TJP1: variants seen among roughly 807,000 people sequenced by gnomAD.
TJP1 encodes tight junction protein ZO-1.
A neutral mutation model predicts 194.2 loss-of-function variants in TJP1; 43 were observed. That is an observed-to-expected ratio of 0.22 (90% confidence interval 0.17 to 0.29). The LOEUF (loss-of-function observed/expected upper bound fraction) is 0.29, where lower values mean the gene tolerates loss of function less well. Among genes scored for constraint, TJP1 ranks in the 10% least tolerant of loss-of-function variants. The probability of loss-of-function intolerance (pLI) is 1.00; values close to 1 mark genes in which losing one functional copy is unlikely to be tolerated. For missense variants in TJP1, 1,971 were observed against 2,185.7 expected (o/e 0.90, Z 1.96); for synonymous variants, 801 against 779.0 (o/e 1.03, Z -0.47).
At chr15:29,884,431 A>AT (rs769320752) in intron 2 of TJP1, among the ~76,000 whole-genome samples, 33 of 152,088 alleles carry the variant, frequency 2.2e-4, no homozygotes, top group Non-Finnish European at 3.8e-4. Context: ...CCATACACTA[A>AT]ATTTTGAGAA....
chr15:29,871,089 G>A (rs1409657754), intron 2 of TJP1, among the ~76,000 whole-genome samples: 1 of 152,234 alleles, frequency 6.6e-6, no homozygotes, highest in South Asian at 2.1e-4. Flanking sequence ...GTTCTCACTG[G>A]ACAAAGGAAA....
intron 2 of TJP1, among the ~76,000 whole-genome samples, chr15:29,865,218 G>A (rs1246645613): frequency 1.3e-5 from 2 of 152,158 alleles, no homozygotes; most frequent in African/African-American, 4.8e-5. Flanking sequence ...GATAAGACGA[G>A]AATTACTCTT....
At chr15:29,949,868 T>TCCA (rs2055586402) in intron 2 of TJP1, among the ~76,000 whole-genome samples, 2 of 22,654 alleles carry the variant, frequency 8.8e-5, no homozygotes, top group Non-Finnish European at 7.1e-5. Flanking sequence ...AACCACCACC[T>TCCA]CCACCTCCAC....
At chr15:29,949,327 T>TACCTCCACCACCTCCACCACCACC (rs2055444387) in intron 2 of TJP1, among the ~76,000 whole-genome samples, 1 of 21,220 alleles carries the variant, frequency 4.7e-5, no homozygotes, top group Non-Finnish European at 1.0e-4. Context: ...TCACCACCAC[T>TACCTCCACCACCTCCACCACCACC]ACCTCCACCA....
intron 2 of TJP1, among the ~76,000 whole-genome samples, chr15:29,933,093 C>G (rs1374255102): frequency 6.6e-6 from 1 of 152,114 alleles, no homozygotes; most frequent in East Asian, 1.9e-4. Context: ...ATCACACACA[C>G]ACATTTTGTC....
At chr15:29,936,493 C>T (rs1390237095) in intron 2 of TJP1, among the ~76,000 whole-genome samples, 1 of 152,170 alleles carries the variant, frequency 6.6e-6, no homozygotes, top group Non-Finnish European at 1.5e-5. Context: ...CTTTGGGCTT[C>T]CTGTGTCTGC....
intron 2 of TJP1, among the ~76,000 whole-genome samples, chr15:29,844,536 T>C (rs1157911633): frequency 2.6e-5 from 4 of 151,968 alleles, no homozygotes; most frequent in African/African-American, 9.7e-5. Context: ...AGACACATGG[T>C]GAAGGCAGAG....
intron 15 of TJP1, among the ~76,000 whole-genome samples, chr15:29,731,380 C>T (rs2043648795): frequency 6.6e-6 from 1 of 152,198 alleles, no homozygotes; most frequent in African/African-American, 2.4e-5. Flanking sequence ...TAAGCCCAGA[C>T]ATCTGTTGAG....
intron 2 of TJP1, among the ~76,000 whole-genome samples, chr15:29,780,290 G>A (rs2047280838): frequency 6.6e-6 from 1 of 151,922 alleles, no homozygotes. Context: ...CAACTAGATG[G>A]TCCCATCTGG....
chr15:29,897,305 T>A (rs2152184976), intron 2 of TJP1, among the ~76,000 whole-genome samples: 1 of 152,312 alleles, frequency 6.6e-6, no homozygotes, highest in African/African-American at 2.4e-5. Flanking sequence ...AGCTTCGATG[T>A]GGTGTTGAGC....
At chr15:29,783,222 C>T (rs1030644857) in intron 2 of TJP1, among the ~76,000 whole-genome samples, 8 of 152,074 alleles carry the variant, frequency 5.3e-5, no homozygotes, top group Admixed American at 4.6e-4. Flanking sequence ...TGCAGTGAGC[C>T]AAGATTGTGC....
At chr15:29,922,617 G>A (rs989892686) in intron 2 of TJP1, among the ~76,000 whole-genome samples, 1 of 152,114 alleles carries the variant, frequency 6.6e-6, no homozygotes, top group Non-Finnish European at 1.5e-5. Context: ...ATTGAGGGTT[G>A]TAAGTTTCTT....
chr15:29,949,156 T>TTCACC (rs1567223787), intron 2 of TJP1, among the ~76,000 whole-genome samples: 1 of 51,156 alleles, frequency 2.0e-5, no homozygotes, highest in Non-Finnish European at 4.1e-5. Flanking sequence ...CCACCTCCAC[T>TTCACC]ACTACCTCCA....
At chr15:29,750,490 C>CTGA in intron 8 of TJP1, among the ~76,000 whole-genome samples, 1 of 152,126 alleles carries the variant, frequency 6.6e-6, no homozygotes, top group East Asian at 1.9e-4. Flanking sequence ...ACCAGTCAAT[C>CTGA]CCTCATTACT....
At chr15:29,804,635 CATCT>C (rs2049002623) in intron 1 of TJP1, among the ~76,000 whole-genome samples, 6 of 152,110 alleles carry the variant, frequency 3.9e-5, no homozygotes, top group Admixed American at 3.9e-4. Flanking sequence ...TAATTACATT[CATCT>C]ATTACTTATC....
At chr15:29,710,162 A>G (rs1566863793) in intron 24 of TJP1, among the ~76,000 whole-genome samples, 2 of 152,112 alleles carry the variant, frequency 1.3e-5, no homozygotes, top group Non-Finnish European at 1.5e-5. Flanking sequence ...GAAAAAAAAA[A>G]AGAGAAAAGG....
chr15:29,758,986 T>C (rs992596466), intron 8 of TJP1: 2 of 152,206 alleles, frequency 1.3e-5, no homozygotes, highest in Non-Finnish European at 2.9e-5. Context: ...ACCACATTCA[T>C]AGCTCTTACA....
chr15:29,968,447 G>A, intron 1 of TJP1: 1 of 975,816 alleles, frequency 1.0e-6, no homozygotes, highest in Non-Finnish European at 1.2e-6. Flanking sequence ...GGGTCTCGGC[G>A]AAACCAGTCA....
chr15:29,761,100 C>G, intron 8 of TJP1, 39 bp downstream of exon 8: 1 of 1,534,484 alleles, frequency 6.5e-7, no homozygotes, highest in Non-Finnish European at 8.7e-7. Flanking sequence ...ATCAAGCAAA[C>G]AAAACCCCTG....
Sources: gnomAD v4.1 joint callset for allele counts (sites outside exome capture counted in the v4.1 genomes callset) on GRCh38, gnomAD v4.1.1 for gene constraint, MANE v1.5 for transcripts, NCBI Gene and HGNC (gene_info 2026-07-23, HGNC 2026-07-21) for gene names.